Variants in MYH13 observed in about 807,000 individuals in gnomAD.
The protein encoded by MYH13 is myosin heavy chain 13.
Under a neutral mutation model 232.1 loss-of-function variants are expected in MYH13, and 177 were observed. The observed-to-expected ratio is 0.76, with a 90% CI of 0.67 to 0.86. MYH13 has a LOEUF of 0.86. Among genes scored for constraint, MYH13 ranks in the 40% least tolerant of loss-of-function variants. The pLI is 0.00. For synonymous variants in MYH13, 884 were observed against 923.5 expected, an observed-to-expected ratio of 0.96 and a Z score of 0.78; for missense variants, 2,246 against 2,405.9, an observed-to-expected ratio of 0.93 and a Z score of 1.39.
chr17:10,364,494 C>CT lies in MYH13; in HGVS notation c.36dup (p.Ala13SerfsTer31). The CT allele has an allele frequency of 6.2e-7, 1 of 1,607,988 alleles. No homozygotes were observed. The highest frequency in any genetic ancestry group is 8.5e-7 in the Non-Finnish European group (1 of 1,176,918). ...TCTGGTTTCCGGAGGTAGGGAGCTG[C>CT]TTCTCCAAAAATGGCCATTTCTGCG... On this transcript the variant is annotated frameshift_variant, in exon 3 of 41. Coordinates refer to ENST00000252172, the MANE Select transcript of MYH13 (RefSeq NM_003802.3). LOFTEE classifies it high-confidence loss of function.
intron 2 of MYH13, among the ~76,000 whole-genome samples, chr17:10,369,721 G>A (rs542434480): frequency 1.3e-4 from 20 of 152,234 alleles, no homozygotes; most frequent in African/African-American, 4.8e-4. Flanking sequence ...TACTCTAACC[G>A]TGACTCAGAA....
At chr17:10,364,914 C>T (rs2071822099) in intron 2 of MYH13, among the ~76,000 whole-genome samples, 1 of 152,050 alleles carries the variant, frequency 6.6e-6, no homozygotes, top group Admixed American at 6.6e-5. Flanking sequence ...TTGCTCCTGT[C>T]ACCCAGGCTG....
In MYH13 at chr17:10,319,161, C is replaced by T. The variant is rs199589434; in HGVS notation, c.3367G>A (p.Glu1123Lys). 51 of 1,613,978 alleles carry T rather than the reference C, an allele frequency of 3.2e-5. No homozygotes were observed. The East Asian group carries it at 4.5e-4, about 14-fold the overall frequency. ...KELQARIEEL[E>K]EEIEAEHTLR... is the part of the protein sequence containing the mutation. ...GTGTGTTCCGCTTCAATTTCCTCCTCCAGCTCTTCTATGCGGGCCTGAAAG... is the reference window on the plus strand; with the variant it reads ...GTGTGTTCCGCTTCAATTTCCTCCTTCAGCTCTTCTATGCGGGCCTGAAAG... Residue 1123 changes from glutamate to lysine, a missense_variant, in exon 27 of 41, where the codon GAG becomes AAG. Transcript: ENST00000252172.
chr17:10,321,787 G>C (rs767160928), intron 23 of MYH13, 79 bp from the exon 24 acceptor site: 1 of 1,339,564 alleles, frequency 7.5e-7, no homozygotes, highest in Non-Finnish European at 1.0e-6. Flanking sequence ...TTGCTTCTTT[G>C]CTCATTTTTC....
In MYH13 at chr17:10,318,965, T is replaced by C. The variant is rs1181765369; in HGVS notation, c.3563A>G (p.Gln1188Arg). ...CAGGGTGGCTGCTGTGGCTTCGTGC[T>C]GCAGGGTGGCCTCCTCCAGGTCCCT... ...MRRDLEEATL[Q>R]HEATAATLRK... The change falls in exon 27 of 41, where the codon CAG becomes CGG. Residue 1188 changes from glutamine to arginine, a missense_variant. Coordinates refer to ENST00000252172, the MANE Select transcript of MYH13 (RefSeq NM_003802.3). The C allele has an allele frequency of 6.2e-7, 1 of 1,614,078 alleles. No homozygotes were observed. Among genetic ancestry groups the C allele is most frequent in the East Asian group, 2.2e-5 (1 of 44,890 alleles).
At chr17:10,344,399 A>G (rs1654981941) in intron 15 of MYH13, among the ~76,000 whole-genome samples, 1 of 152,258 alleles carries the variant, frequency 6.6e-6, no homozygotes, top group Non-Finnish European at 1.5e-5. Context: ...AGTTTCATAT[A>G]TAGCCATAAA....
chr17:10,343,104 AAAAAAAAT>A (rs1191273666), intron 16 of MYH13, among the ~76,000 whole-genome samples: 3 of 137,106 alleles, frequency 2.2e-5, no homozygotes, highest in African/African-American at 2.5e-5. Context: ...AAAAAAAAAA[AAAAAAAAT>A]CTGCTCATGG....
chr17:10,330,065 C>A (rs986768231), intron 21 of MYH13, among the ~76,000 whole-genome samples: 2 of 152,036 alleles, frequency 1.3e-5, no homozygotes, highest in Admixed American at 1.3e-4. Flanking sequence ...CAACTCCAAC[C>A]CCCTAATCAG....
chr17:10,328,938 A>G (rs934871153), intron 21 of MYH13, among the ~76,000 whole-genome samples: 1 of 152,080 alleles, frequency 6.6e-6, no homozygotes, highest in Non-Finnish European at 1.5e-5. Context: ...TTGGCCTCCC[A>G]AAGTGCTAGG....
chr17:10,313,300 G>T lies in MYH13; in HGVS notation c.4039C>A (p.Leu1347Met). 1.9e-6 allele frequency: 3 copies of T among 1,614,272 alleles called. No homozygotes were observed. Among genetic ancestry groups the T allele is most frequent in the Non-Finnish European group, 2.5e-6 (3 of 1,180,046 alleles). ...TGCTCCTCCTCATACTGTTCCCGCAGCAGGTCACAGTCGTGGCGGGAGGAC... is the reference window on the plus strand; with the variant it reads ...TGCTCCTCCTCATACTGTTCCCGCATCAGGTCACAGTCGTGGCGGGAGGAC... Reference protein sequence around the residue: ...LQSSRHDCDLLREQYEEEQEA... With the variant: ...LQSSRHDCDLMREQYEEEQEA... Residue 1347 changes from leucine to methionine, a missense_variant, in exon 30 of 41, where the codon CTG (leucine) becomes ATG (methionine). Transcript: ENST00000252172.
Position 10,306,788 on chromosome 17 carries a change from T to C in MYH13, c.5295+151A>G. On this transcript the variant is annotated intron_variant, in intron 36 of 40. Transcript: ENST00000252172. The surrounding 1 kb of genome is among the most constrained non-coding windows in gnomAD (Gnocchi z 4.3). ...ACAGCCTCCCCTCCCACTTTGCCAC[T>C]GCTGAGACTGTACCTCATTACATCT... 1 of 1,518,676 alleles carries C rather than the reference T, an allele frequency of 6.6e-7. No homozygotes were observed. Among genetic ancestry groups the C allele is most frequent in the Non-Finnish European group, 8.8e-7 (1 of 1,133,342 alleles). 94.1% of individuals were successfully genotyped at this position (1,518,676 alleles called of 1,614,324 possible).
At chr17:10,322,941 C>A (rs1173975930) in intron 23 of MYH13, among the ~76,000 whole-genome samples, 1 of 152,094 alleles carries the variant, frequency 6.6e-6, no homozygotes, top group African/African-American at 2.4e-5. Context: ...CCCTATATTT[C>A]ATTTTCTTAC....
intron 16 of MYH13, among the ~76,000 whole-genome samples, chr17:10,342,301 CT>C (rs2071624518): frequency 6.6e-6 from 1 of 152,110 alleles, no homozygotes; most frequent in South Asian, 2.1e-4. Context: ...TCAAATGATC[CT>C]TCTGCCTCAG....
Position 10,362,566 on chromosome 17 carries a change from C to T in MYH13, c.205-63G>A, listed in dbSNP as rs557768001. The T allele has an allele frequency of 3.7e-6, 6 of 1,600,336 alleles. No individual in the cohort carries two copies. The South Asian group carries it at 5.5e-5, about 15-fold the overall frequency. ...AGCCAAGTGCCCACATTGCACTTTA[C>T]TGGTGTGGTGGAAGTAGTGAGATAT... On this transcript the variant is annotated intron_variant, in intron 3 of 40. Coordinates refer to ENST00000252172, the MANE Select transcript of MYH13 (RefSeq NM_003802.3).
intron 15 of MYH13, among the ~76,000 whole-genome samples, 163 bp from the exon 16 acceptor site, chr17:10,344,272 A>G (rs1195514923): frequency 1.3e-5 from 2 of 152,210 alleles, no homozygotes; most frequent in Non-Finnish European, 2.9e-5. Flanking sequence ...GGATGACCAG[A>G]AAGTGCTAGG....
intron 30 of MYH13, 75 bp downstream of exon 30, chr17:10,313,083 C>T: frequency 6.3e-7 from 1 of 1,599,264 alleles, no homozygotes; most frequent in South Asian, 1.1e-5. Flanking sequence ...AAGAATCTCT[C>T]AAGATATGAA....
At chr17:10,326,981 G>GTTT (rs61543278) in intron 22 of MYH13, among the ~76,000 whole-genome samples, 5,786 of 55,828 alleles carry the variant, frequency 0.1, 2,620 homozygotes, top group Middle Eastern at 0.17. Flanking sequence ...ATGCCTACTA[G>GTTT]TTTTTTTTTT....
rs989456952 is a variant in MYH13 at position 10,309,633 on chromosome 17, T to G, written c.4854A>C (p.Leu1618=). 6.2e-7 allele frequency: 1 copy of G among 1,612,818 alleles called. No homozygotes were observed. The highest frequency in any genetic ancestry group is 1.3e-5 in the African/African-American group (1 of 74,922). The stretch of plus-strand genomic sequence containing the variant: ...TAAGGTCTCCCTCCATCTTCTTCTT[T>G]AGCCTCAGGGCGTCGTTCCGGCTGC... The part of the protein sequence containing the change: ...EIRSRNDALR[L]KKKMEGDLNE... The change falls in exon 34 of 41, where the codon CTA becomes CTC. Residue 1618 remains leucine (L), a synonymous_variant. Coordinates refer to ENST00000252172, the MANE Select transcript of MYH13 (RefSeq NM_003802.3).
intron 7 of MYH13, among the ~76,000 whole-genome samples, chr17:10,359,732 G>A (rs2071777217): frequency 6.6e-6 from 1 of 152,140 alleles, no homozygotes; most frequent in East Asian, 1.9e-4. Context: ...GAATTGAATT[G>A]TAGGACACCC....
Sources: gnomAD v4.1 joint callset for allele counts (sites outside exome capture counted in the v4.1 genomes callset) on GRCh38, gnomAD v4.1.1 for gene constraint, Gnocchi (gnomAD v3.1) non-coding constraint, MANE v1.5 for transcripts, NCBI Gene and HGNC (gene_info 2026-07-23, HGNC 2026-07-21) for gene names.